Variants in ARHGAP35 observed in about 807,000 individuals in gnomAD.
The protein encoded by ARHGAP35 is Rho GTPase activating protein 35.
A neutral mutation model predicts 111.1 loss-of-function variants in ARHGAP35; 15 were observed. That is an observed-to-expected ratio of 0.13 (90% CI 0.09 to 0.21). ARHGAP35 has a LOEUF of 0.21. Ranked by LOEUF, ARHGAP35 falls within the 10% of genes least tolerant of loss-of-function variation. ARHGAP35 has a pLI of 1.00. For missense variants in ARHGAP35, 1,262 were observed against 1,873.0 expected, an observed-to-expected ratio of 0.67 and a Z score of 6.02; for synonymous variants, 643 against 710.3, an observed-to-expected ratio of 0.91 and a Z score of 1.51.
intron 1 of ARHGAP35, among the ~76,000 whole-genome samples, chr19:46,873,442 G>C (rs1294445708): frequency 6.6e-6 from 1 of 151,870 alleles, no homozygotes; most frequent in East Asian, 2.0e-4. Flanking sequence ...AACTACCCTA[G>C]CCAACATTGG....
At position 46,988,092 on chromosome 19, in the gene ARHGAP35, C is replaced by T. The variant is rs755264798; in HGVS notation, c.3904+26C>T. On this transcript the variant is annotated intron_variant, in intron 4 of 6. Coordinates refer to ENST00000672722, the MANE Select transcript of ARHGAP35 (RefSeq NM_004491.5). This position sits in a 1 kb window ranked among gnomAD's most constrained non-coding sequence, Gnocchi z 5.4. The stretch of plus-strand genomic sequence containing the variant: ...GTAAAGTGCAGCCTGGCCAGGCATC[C>T]GAGGCCAGAGCTGGTCAAGGCAGAC... 8.3e-5 allele frequency: 134 copies of T among 1,607,734 alleles called. No individual in the cohort carries two copies. Among genetic ancestry groups the T allele is most frequent in the Non-Finnish European group, 1.0e-4 (119 of 1,176,204 alleles).
intron 1 of ARHGAP35, among the ~76,000 whole-genome samples, chr19:46,916,249 T>C (rs1021963615): frequency 1.3e-5 from 2 of 152,078 alleles, no homozygotes; most frequent in South Asian, 4.2e-4. Flanking sequence ...ATCCAAACTC[T>C]TAAAGTGGTT....
chr19:46,986,044 G>C lies in ARHGAP35; in HGVS notation c.3827-1945G>C, dbSNP rs187788306. Among the ~76,000 whole-genome samples, 26 of 152,276 alleles carry C rather than the reference G, an allele frequency of 1.7e-4. No individual in the cohort carries two copies. Among genetic ancestry groups the C allele is most frequent in the Admixed American group, 7.2e-4 (11 of 15,284 alleles). ...CTCTACTGTCGGCACTGTTTCTGTT[G>C]TCCAGGGGCAGCACCCACAGTGCTT... is the stretch of plus-strand genomic sequence containing the variant. On this transcript the variant is annotated intron_variant, in intron 3 of 6. Coordinates refer to ENST00000672722, the MANE Select transcript of ARHGAP35 (RefSeq NM_004491.5). This position sits in a 1 kb window ranked among gnomAD's most constrained non-coding sequence, Gnocchi z 4.3.
At chr19:46,895,108 G>A (rs559375141) in intron 1 of ARHGAP35, among the ~76,000 whole-genome samples, 141 of 151,282 alleles carry the variant, frequency 9.3e-4, no homozygotes, top group Middle Eastern at 3.4e-3. Flanking sequence ...TGTGTAAATA[G>A]AAATGAATTT....
At chr19:46,889,652 A>G (rs1001540349) in intron 1 of ARHGAP35, among the ~76,000 whole-genome samples, 2 of 150,354 alleles carry the variant, frequency 1.3e-5, no homozygotes, top group East Asian at 2.0e-4. Context: ...GCTCAACCAC[A>G]TGAATCAGGA....
rs1169431585 is a variant in ARHGAP35 at position 46,992,689 on chromosome 19, C to T, written c.4036+3014C>T. ...CCAAAGGACCTGTGGCTCCAGGGTC[C>T]GCATTAACTCCCTGTAATAGCTCAC... On this transcript the variant is annotated intron_variant, in intron 5 of 6. Transcript: ENST00000672722. The surrounding 1 kb of genome is among the most constrained non-coding windows in gnomAD (Gnocchi z 4.4). 6.6e-6 allele frequency among the ~76,000 whole-genome samples: 1 copy of T among 152,158 alleles called. No homozygotes were observed.
At chr19:46,915,794 G>C (rs958803136) in intron 1 of ARHGAP35, among the ~76,000 whole-genome samples, 4 of 152,118 alleles carry the variant, frequency 2.6e-5, no homozygotes, top group African/African-American at 9.7e-5. Context: ...AACTGTCGTA[G>C]CTGGAAAGTT....
chr19:46,898,077 A>G (rs1281415575), intron 1 of ARHGAP35, among the ~76,000 whole-genome samples: 1 of 152,114 alleles, frequency 6.6e-6, no homozygotes, highest in African/African-American at 2.4e-5. Context: ...CCCTGTCTCT[A>G]CTAAAAATAC....
intron 1 of ARHGAP35, among the ~76,000 whole-genome samples, chr19:46,872,911 A>G (rs1185342268): frequency 2.0e-5 from 3 of 152,058 alleles, no homozygotes; most frequent in Non-Finnish European, 4.4e-5. Context: ...TACTAATAAT[A>G]TTACCAAATA....
At chr19:46,925,711 T>C (rs11673675) in intron 2 of ARHGAP35, among the ~76,000 whole-genome samples, 9,443 of 152,224 alleles carry the variant, frequency 0.062, 432 homozygotes, top group East Asian at 0.18. Flanking sequence ...GCTCTGGGAA[T>C]CTGGGCTACA....
intron 1 of ARHGAP35, among the ~76,000 whole-genome samples, chr19:46,878,882 G>C (rs752096102): frequency 2.0e-5 from 3 of 152,180 alleles, no homozygotes; most frequent in Non-Finnish European, 4.4e-5. Context: ...ACTCATGGTG[G>C]TGGTTACTGA....
rs145247020 is a variant in ARHGAP35 at position 46,914,446 on chromosome 19, A to AAAT, written c.-188-4024_-188-4022dup. 9.7e-3 allele frequency among the ~76,000 whole-genome samples: 1,471 copies of AAAT among 151,874 alleles called. 20 individuals are homozygous for AAAT. Among genetic ancestry groups the AAAT allele is most frequent in the African/African-American group, 0.031 (1,285 of 41,372 alleles). On this transcript the variant is annotated intron_variant, in intron 1 of 6. Transcript: ENST00000672722. ...GGCAACATAGCAAGACCCCATTTCTAAATAATAATAATAATAATAAATTAG... is the reference window on the plus strand; with the variant it reads ...GGCAACATAGCAAGACCCCATTTCTAAATAATAATAATAATAATAATAAATTAG...
rs36048282 is a variant in ARHGAP35, at chr19:46,869,476, T to TTGTGTGTGTG, written c.-189+8291_-189+8300dup. ...TGAGACCTTGTCTCAAGAAAAAAAATTGTGTGTGTGTGTGTGTGTGTGTGT... is the reference window on the plus strand; with the variant it reads ...TGAGACCTTGTCTCAAGAAAAAAAATTGTGTGTGTGTGTGTGTGTGTGTGTGTGTGTGTGT... On this transcript the variant is annotated intron_variant, in intron 1 of 6. Transcript: ENST00000672722. 1.3e-3 allele frequency among the ~76,000 whole-genome samples: 188 copies of TTGTGTGTGTG among 144,304 alleles called. 1 individual carries two copies. The highest frequency in any genetic ancestry group is 4.4e-3 in the African/African-American group (175 of 39,332). The allele number at this position is 144,304 out of a possible 152,430, so 94.7% of individuals were successfully genotyped here.
intron 5 of ARHGAP35, among the ~76,000 whole-genome samples, chr19:46,991,814 A>G (rs918937870): frequency 6.6e-6 from 1 of 152,224 alleles, no homozygotes; most frequent in Non-Finnish European, 1.5e-5. Flanking sequence ...TTGTGCCCCA[A>G]AGTAGCTCTT....
intron 1 of ARHGAP35, among the ~76,000 whole-genome samples, chr19:46,881,245 G>A (rs1307491453): frequency 6.6e-6 from 1 of 152,132 alleles, no homozygotes; most frequent in African/African-American, 2.4e-5. Context: ...CAGCTCAAGT[G>A]AATGTTCTTA....
intron 2 of ARHGAP35, among the ~76,000 whole-genome samples, chr19:46,932,836 A>C (rs1003237574): frequency 6.6e-6 from 1 of 152,196 alleles, no homozygotes; most frequent in Non-Finnish European, 1.5e-5. Context: ...CTCCACATCC[A>C]CTGTTGTAAA....
At chr19:46,995,073 G>A (rs996870075) in intron 5 of ARHGAP35, among the ~76,000 whole-genome samples, 2 of 152,130 alleles carry the variant, frequency 1.3e-5, no homozygotes, top group Non-Finnish European at 2.9e-5. Context: ...AGACACTGCT[G>A]GTGCCTCCCC....
chr19:46,944,368 C>T (rs1303775776), intron 3 of ARHGAP35, among the ~76,000 whole-genome samples: 2 of 151,458 alleles, frequency 1.3e-5, no homozygotes, highest in African/African-American at 4.9e-5. Context: ...ATATGTAGGA[C>T]AGAAAGTAAA....
intron 3 of ARHGAP35, among the ~76,000 whole-genome samples, chr19:46,943,441 G>A (rs968391917): frequency 2.6e-5 from 4 of 152,180 alleles, no homozygotes; most frequent in Non-Finnish European, 4.4e-5. Context: ...ATAATTGAAC[G>A]AATTGTGAGC....
Sources: gnomAD v4.1 joint callset for allele counts (sites outside exome capture counted in the v4.1 genomes callset) on GRCh38, gnomAD v4.1.1 for gene constraint, Gnocchi (gnomAD v3.1) non-coding constraint, MANE v1.5 for transcripts, NCBI Gene and HGNC (gene_info 2026-07-23, HGNC 2026-07-21) for gene names.